The following NKAIN2 variants were observed in gnomAD, a reference collection of about 807,000 sequenced individuals.
NKAIN2 encodes the protein sodium/potassium-transporting ATPase subunit beta-1-interacting protein 2.
Under a neutral mutation model 32.6 loss-of-function variants are expected in NKAIN2, and 14 were observed. That is an observed-to-expected ratio of 0.43 (90% CI 0.28 to 0.67). The LOEUF (loss-of-function observed/expected upper bound fraction) is 0.67. NKAIN2 is among the 30% of genes least tolerant of loss of function. The probability of loss-of-function intolerance (pLI) is 0.17; values close to 1 mark genes in which losing one functional copy is unlikely to be tolerated. For synonymous variants in NKAIN2, 80 were observed against 87.2 expected, an observed-to-expected ratio of 0.92 and a Z score of 0.46; for missense variants, 198 against 258.3, an observed-to-expected ratio of 0.77 and a Z score of 1.60.
At chr6:124,064,713 T>G (rs1332203135) in intron 1 of NKAIN2, among the ~76,000 whole-genome samples, 2 of 152,172 alleles carry the variant, frequency 1.3e-5, no homozygotes, top group Non-Finnish European at 2.9e-5. Flanking sequence ...ATAATTATAG[T>G]GTCGTTTTTG....
At chr6:123,847,861 C>T (rs576132075) in intron 1 of NKAIN2, among the ~76,000 whole-genome samples, 17 of 152,118 alleles carry the variant, frequency 1.1e-4, no homozygotes, top group African/African-American at 2.6e-4. Context: ...TGGGATGGTA[C>T]GGAGCTTGAG....
In NKAIN2 at chr6:124,038,568, A is replaced by G. The variant is rs558448565; in HGVS notation, c.54+234314A>G. ...TTGATTATTGTGGGCTCCAGCATCC[A>G]CCTGGAACTGGACATTTAAACTGCA... On this transcript the variant is annotated intron_variant, in intron 1 of 6. Coordinates refer to ENST00000368417, the MANE Select transcript of NKAIN2 (RefSeq NM_001040214.3). Among the ~76,000 whole-genome samples the G allele has an allele frequency of 4.6e-5, 7 of 152,194 alleles. No homozygotes were observed. The South Asian group carries it at 1.4e-3, about 32-fold the overall frequency.
intron 3 of NKAIN2, among the ~76,000 whole-genome samples, chr6:124,468,495 G>A (rs548465600): frequency 2.0e-5 from 3 of 152,100 alleles, no homozygotes; most frequent in African/African-American, 7.2e-5. Flanking sequence ...AAATATAATG[G>A]GAAAAAGTGG....
chr6:124,655,479 G>A (rs1157727072), intron 3 of NKAIN2, among the ~76,000 whole-genome samples: 1 of 152,058 alleles, frequency 6.6e-6, no homozygotes, highest in Non-Finnish European at 1.5e-5. Context: ...TAGCTCTAGT[G>A]GCCAACAAAC....
chr6:124,725,122 G>C (rs1028221233), intron 4 of NKAIN2, among the ~76,000 whole-genome samples: 1 of 152,106 alleles, frequency 6.6e-6, no homozygotes, highest in Admixed American at 6.5e-5. Context: ...ATTTTCAAAT[G>C]AACCATCATG....
chr6:124,160,471 G>A (rs802273), intron 1 of NKAIN2, among the ~76,000 whole-genome samples: 1 of 151,964 alleles, frequency 6.6e-6, no homozygotes, highest in Non-Finnish European at 1.5e-5. Flanking sequence ...GCTACATACT[G>A]TATGTATATA....
chr6:124,003,459 G>A (rs1779955287), intron 1 of NKAIN2, among the ~76,000 whole-genome samples: 2 of 152,052 alleles, frequency 1.3e-5, no homozygotes, highest in Non-Finnish European at 2.9e-5. Context: ...CTCATCTTTG[G>A]TAATGCCAAA....
chr6:124,491,063 T>G (rs72971765), intron 3 of NKAIN2, among the ~76,000 whole-genome samples: 112 of 152,188 alleles, frequency 7.4e-4, no homozygotes, highest in Middle Eastern at 6.8e-3. Context: ...TAAATATTTC[T>G]TCAGATTAAT....
intron 1 of NKAIN2, among the ~76,000 whole-genome samples, chr6:123,926,734 T>G (rs1776023029): frequency 1.3e-5 from 2 of 152,234 alleles, no homozygotes; most frequent in African/African-American, 4.8e-5. Context: ...CTAAGAGCTC[T>G]CCTTACCACT....
chr6:124,231,414 T>C (rs1281326234), intron 1 of NKAIN2, among the ~76,000 whole-genome samples: 1 of 152,096 alleles, frequency 6.6e-6, no homozygotes, highest in East Asian at 1.9e-4. Context: ...GAAGGAATGA[T>C]TGGTTTTGAA....
chr6:123,926,254 G>A (rs535098641), intron 1 of NKAIN2, among the ~76,000 whole-genome samples: 2 of 152,288 alleles, frequency 1.3e-5, no homozygotes, highest in African/African-American at 4.8e-5. Flanking sequence ...GCTAATGATT[G>A]TAACCACAGC....
intron 3 of NKAIN2, among the ~76,000 whole-genome samples, chr6:124,379,498 G>T (rs914652742): frequency 5.3e-5 from 8 of 152,032 alleles, no homozygotes; most frequent in African/African-American, 1.9e-4. Flanking sequence ...TTCTAATAGT[G>T]CAAGTGCTTT....
chr6:124,135,775 A>G (rs372835748), intron 1 of NKAIN2, among the ~76,000 whole-genome samples: 2 of 152,288 alleles, frequency 1.3e-5, no homozygotes, highest in African/African-American at 4.8e-5. Context: ...CTGCTGTTGA[A>G]TGATCCTTGA....
intron 2 of NKAIN2, among the ~76,000 whole-genome samples, chr6:124,288,907 A>G (rs1795680444): frequency 6.6e-6 from 1 of 152,170 alleles, no homozygotes. Flanking sequence ...CTATGACACC[A>G]AGTTAGACTA....
In NKAIN2 at chr6:124,813,802, G is replaced by C. The variant is rs574766870; in HGVS notation, c.536-4585G>C. ...TTTAGTTTATTTTTAAGGATATAAG[G>C]AGATTCTTGATAGATAGAAGTTACT... is the stretch of plus-strand genomic sequence containing the variant. On this transcript the variant is annotated intron_variant, in intron 5 of 6. Coordinates refer to ENST00000368417, the MANE Select transcript of NKAIN2 (RefSeq NM_001040214.3). 5.3e-4 allele frequency among the ~76,000 whole-genome samples: 80 copies of C among 152,158 alleles called. 1 individual carries two copies. The highest frequency in any genetic ancestry group is 1.8e-3 in the African/African-American group (75 of 41,518).
At chr6:124,693,157 AT>A (rs888048923) in intron 4 of NKAIN2, among the ~76,000 whole-genome samples, 1 of 152,180 alleles carries the variant, frequency 6.6e-6, no homozygotes, top group African/African-American at 2.4e-5. Flanking sequence ...GCCACATGAC[AT>A]TTTGGTCAAC....
intron 1 of NKAIN2, among the ~76,000 whole-genome samples, chr6:123,981,035 A>AT (rs1225662803): frequency 1.3e-5 from 2 of 151,826 alleles, no homozygotes; most frequent in Non-Finnish European, 2.9e-5. Context: ...ATGCCCGGCT[A>AT]TTTTTTGTAT....
At chr6:124,807,542 G>T (rs1443386878) in intron 5 of NKAIN2, among the ~76,000 whole-genome samples, 2 of 149,134 alleles carry the variant, frequency 1.3e-5, no homozygotes, top group Non-Finnish European at 3.0e-5. Flanking sequence ...AAGCAGGAAA[G>T]ATCCAAAATT....
At chr6:123,874,981 T>A (rs1773105940) in intron 1 of NKAIN2, among the ~76,000 whole-genome samples, 1 of 152,032 alleles carries the variant, frequency 6.6e-6, no homozygotes, top group Non-Finnish European at 1.5e-5. Context: ...TATAGAGATT[T>A]TAATGATTTG....
Sources: allele counts gnomAD v4.1 joint callset (sites outside exome capture counted in the v4.1 genomes callset), GRCh38; gene constraint gnomAD v4.1.1; transcripts MANE v1.5; gene names NCBI Gene and HGNC (gene_info 2026-07-23, HGNC 2026-07-21).